Variants in ANO3 observed in about 807,000 individuals in gnomAD.
ANO3 encodes the protein anoctamin 3.
In ANO3, 99 loss-of-function variants were observed where a neutral mutation model predicts 144.8. The observed-to-expected ratio is 0.68, with a 90% CI of 0.58 to 0.81. The LOEUF (loss-of-function observed/expected upper bound fraction) is 0.81. ANO3 is among the 30% of genes least tolerant of loss of function. The probability of loss-of-function intolerance (pLI) is 0.00; values close to 1 mark genes in which losing one functional copy is unlikely to be tolerated. For missense variants in ANO3, 905 were observed against 1,202.2 expected (o/e 0.75, Z 3.66); for synonymous variants, 414 against 392.6 (o/e 1.05, Z -0.64).
At chr11:26,238,725 A>G (rs541850833) in intron 1 of ANO3, among the ~76,000 whole-genome samples, 1 of 152,176 alleles carries the variant, frequency 6.6e-6, no homozygotes, top group South Asian at 2.1e-4. Context: ...AAGGTGATCG[A>G]TGTGTATGAA....
chr11:26,408,196 A>C (rs1337165869), intron 1 of ANO3, among the ~76,000 whole-genome samples: 2 of 151,968 alleles, frequency 1.3e-5, no homozygotes, highest in Admixed American at 6.6e-5. Flanking sequence ...CAACCTACAA[A>C]ATGGGACAAA....
chr11:26,460,236 TTC>T (rs1859337050), intron 3 of ANO3: 2 of 321,634 alleles, frequency 6.2e-6, no homozygotes, highest in Non-Finnish European at 1.2e-5. Flanking sequence ...TTCATTTTTA[TTC>T]TGTTAATAAG....
At chr11:26,549,184 T>C (rs1458075049) in intron 12 of ANO3, among the ~76,000 whole-genome samples, 2 of 151,952 alleles carry the variant, frequency 1.3e-5, no homozygotes. Context: ...TCTTTTTGTA[T>C]GAGATAATTA....
intron 8 of ANO3, among the ~76,000 whole-genome samples, chr11:26,533,702 T>C (rs75656804): frequency 0.023 from 3,556 of 152,208 alleles, 83 homozygotes; most frequent in Admixed American, 0.075. Flanking sequence ...AACAAAAAGC[T>C]GGAGAGAGAC....
At chr11:26,420,393 T>G (rs1857717670) in intron 1 of ANO3, among the ~76,000 whole-genome samples, 1 of 152,068 alleles carries the variant, frequency 6.6e-6, no homozygotes, top group South Asian at 2.1e-4. Context: ...TGCCTCCAGA[T>G]TCATCCTGCC....
intron 1 of ANO3, among the ~76,000 whole-genome samples, chr11:26,254,648 T>C (rs1853014349): frequency 6.6e-6 from 1 of 152,162 alleles, no homozygotes. Flanking sequence ...ACCCTTTAAA[T>C]ATCAACTTGA....
chr11:26,652,741 G>T (rs1182243915), intron 24 of ANO3, among the ~76,000 whole-genome samples: 1 of 152,054 alleles, frequency 6.6e-6, no homozygotes, highest in Non-Finnish European at 1.5e-5. Context: ...AGAGTTTTCT[G>T]TTCCTATGTT....
chr11:26,280,824 T>C (rs188356997), intron 1 of ANO3, among the ~76,000 whole-genome samples: 2 of 152,298 alleles, frequency 1.3e-5, no homozygotes, highest in Admixed American at 1.3e-4. Context: ...ACCTTAGTAT[T>C]CCTGCTATAC....
chr11:26,634,166 C>T, intron 18 of ANO3, 38 bp from the exon 19 acceptor site: 2 of 1,307,524 alleles, frequency 1.5e-6, no homozygotes, highest in Non-Finnish European at 2.2e-6. Context: ...ATATTCACCT[C>T]ACCTCACCTG....
At chr11:26,505,266 A>G (rs998450508) in intron 4 of ANO3, among the ~76,000 whole-genome samples, 13 of 152,218 alleles carry the variant, frequency 8.5e-5, no homozygotes, top group African/African-American at 2.4e-4. Flanking sequence ...GGTGTTAGCA[A>G]TTGAAGGGAC....
chr11:26,208,789 A>G (rs1045813090), intron 1 of ANO3, among the ~76,000 whole-genome samples: 2 of 152,218 alleles, frequency 1.3e-5, no homozygotes, highest in Non-Finnish European at 2.9e-5. Flanking sequence ...CTTTTTAATG[A>G]TGATTTTGAT....
At chr11:26,399,871 C>G (rs761643143) in intron 1 of ANO3, among the ~76,000 whole-genome samples, 7 of 151,968 alleles carry the variant, frequency 4.6e-5, no homozygotes, top group Non-Finnish European at 8.8e-5. Context: ...GTATAGACTG[C>G]CTTCCTCAAA....
intron 17 of ANO3, among the ~76,000 whole-genome samples, chr11:26,607,088 C>A (rs1170740799): frequency 6.6e-6 from 1 of 152,100 alleles, no homozygotes; most frequent in African/African-American, 2.4e-5. Context: ...TTTGAAAATT[C>A]TTTAAGAATG....
At chr11:26,453,320 G>A (rs1159651406) in intron 3 of ANO3, among the ~76,000 whole-genome samples, 2 of 151,258 alleles carry the variant, frequency 1.3e-5, no homozygotes, top group African/African-American at 4.8e-5. Context: ...TCAGTGTGCT[G>A]TATTCAGGAA....
intron 1 of ANO3, among the ~76,000 whole-genome samples, chr11:26,432,561 C>A (rs1251328046): frequency 6.6e-6 from 1 of 152,090 alleles, no homozygotes; most frequent in Non-Finnish European, 1.5e-5. Flanking sequence ...TTTAATCCAT[C>A]TTGAGTTGAT....
At chr11:26,539,615 G>A (rs1348775273) in intron 10 of ANO3, among the ~76,000 whole-genome samples, 1 of 152,082 alleles carries the variant, frequency 6.6e-6, no homozygotes, top group Non-Finnish European at 1.5e-5. Flanking sequence ...GCATCCACAT[G>A]TCTCTCATGG....
At chr11:26,312,904 A>C (rs2133872017) in intron 1 of ANO3, among the ~76,000 whole-genome samples, 1 of 152,278 alleles carries the variant, frequency 6.6e-6, no homozygotes, top group East Asian at 1.9e-4. Context: ...TCTTATTTTC[A>C]TGAACATGGT....
chr11:26,511,909 C>T (rs961545165), intron 5 of ANO3, among the ~76,000 whole-genome samples: 3 of 151,940 alleles, frequency 2.0e-5, no homozygotes, highest in Non-Finnish European at 4.4e-5. Context: ...CAGAAAAAAA[C>T]AGGGTACTAA....
intron 1 of ANO3, among the ~76,000 whole-genome samples, chr11:26,223,915 TC>T (rs1179142923): frequency 6.6e-6 from 1 of 152,068 alleles, no homozygotes; most frequent in African/African-American, 2.4e-5. Context: ...TAAGGGATTT[TC>T]CCCCATGACC....
Sources: gnomAD v4.1 joint callset for allele counts (sites outside exome capture counted in the v4.1 genomes callset) on GRCh38, gnomAD v4.1.1 for gene constraint, MANE v1.5 for transcripts, NCBI Gene and HGNC (gene_info 2026-07-23, HGNC 2026-07-21) for gene names.